PIP5K1B: variants seen among roughly 807,000 people sequenced by gnomAD.
PIP5K1B encodes the protein phosphatidylinositol-4-phosphate 5-kinase type 1 beta, also known as phosphatidylinositol 4-phosphate 5-kinase type-1 beta.
PIP5K1B carries 42 observed loss-of-function variants against 67.0 expected under a neutral mutation model. The ratio of observed to expected loss-of-function variants is 0.63; its 90% CI spans 0.49 to 0.81. PIP5K1B has a LOEUF of 0.81. PIP5K1B is among the 30% of genes least tolerant of loss of function. The pLI, the probability that PIP5K1B is intolerant of heterozygous loss-of-function variation, is 0.00. For missense variants in PIP5K1B, 459 were observed against 646.3 expected (o/e 0.71, Z 3.14); for synonymous variants, 214 against 231.4 (o/e 0.92, Z 0.68).
At chr9:68,910,197 C>T (rs549822571) in intron 8 of PIP5K1B, among the ~76,000 whole-genome samples, 1 of 152,320 alleles carries the variant, frequency 6.6e-6, no homozygotes, top group Admixed American at 6.5e-5. Flanking sequence ...AGCAAAACAA[C>T]TTTGCCTTTT....
intron 14 of PIP5K1B, among the ~76,000 whole-genome samples, chr9:68,978,826 C>T (rs1829753547): frequency 1.3e-5 from 2 of 152,200 alleles, no homozygotes; most frequent in Admixed American, 1.3e-4. Context: ...ATTCCCCCAT[C>T]CCACCAGCAA....
chr9:68,879,417 A>C (rs566878163), intron 6 of PIP5K1B, among the ~76,000 whole-genome samples: 26 of 152,210 alleles, frequency 1.7e-4, no homozygotes, highest in Admixed American at 7.9e-4. Context: ...AAAATACAAA[A>C]ATTAGATGGG....
At chr9:68,802,458 GGATA>G (rs775655145) in intron 2 of PIP5K1B, among the ~76,000 whole-genome samples, 56 of 152,210 alleles carry the variant, frequency 3.7e-4, no homozygotes, top group African/African-American at 1.2e-3. Flanking sequence ...ATGGATGGAT[GGATA>G]GACAGAGGTT....
At chr9:68,933,712 A>G (rs1371107105) in intron 12 of PIP5K1B, among the ~76,000 whole-genome samples, 2 of 152,142 alleles carry the variant, frequency 1.3e-5, no homozygotes, top group East Asian at 1.9e-4. Flanking sequence ...TGGATTCCAG[A>G]CTCTAAAGCC....
chr9:69,005,893 C>G (rs79013335), intron 15 of PIP5K1B, among the ~76,000 whole-genome samples: 1 of 136,676 alleles, frequency 7.3e-6, no homozygotes, highest in African/African-American at 2.8e-5. Flanking sequence ...TTTTTTTTTT[C>G]TTTAGAGACA....
intron 15 of PIP5K1B, among the ~76,000 whole-genome samples, chr9:68,997,198 A>G (rs1267765200): frequency 1.3e-5 from 2 of 152,206 alleles, no homozygotes; most frequent in Non-Finnish European, 2.9e-5. Context: ...TATGTATGGA[A>G]AAAGCGTGAG....
chr9:68,904,387 G>A (rs979435785), intron 8 of PIP5K1B, among the ~76,000 whole-genome samples: 3 of 152,226 alleles, frequency 2.0e-5, no homozygotes, highest in African/African-American at 4.8e-5. Context: ...GGAGAGCTTG[G>A]TTTGGACAGG....
At chr9:68,940,527 A>G in intron 13 of PIP5K1B, 119 bp from the exon 14 acceptor site, 1 of 911,086 alleles carries the variant, frequency 1.1e-6, no homozygotes, top group Non-Finnish European at 1.6e-6. Flanking sequence ...GTTAATTCAT[A>G]ATTGAATTTG....
chr9:68,746,509 T>G, intron 2 of PIP5K1B, among the ~76,000 whole-genome samples: 1 of 152,150 alleles, frequency 6.6e-6, no homozygotes, highest in Non-Finnish European at 1.5e-5. Flanking sequence ...GGCTCTGTCT[T>G]TTTCTCTCAC....
At chr9:68,913,254 G>T (rs1002301452) in intron 8 of PIP5K1B, among the ~76,000 whole-genome samples, 1 of 152,144 alleles carries the variant, frequency 6.6e-6, no homozygotes, top group African/African-American at 2.4e-5. Flanking sequence ...AGACGGAAAG[G>T]CACCTGTATT....
intron 1 of PIP5K1B, among the ~76,000 whole-genome samples, chr9:68,729,981 A>G (rs537031429): frequency 6.6e-6 from 1 of 152,330 alleles, no homozygotes; most frequent in African/African-American, 2.4e-5. Context: ...ATGAAAGGCT[A>G]AAAATGACTT....
At chr9:68,724,948 A>G (rs1305709339) in intron 1 of PIP5K1B, among the ~76,000 whole-genome samples, 1 of 152,172 alleles carries the variant, frequency 6.6e-6, no homozygotes, top group East Asian at 1.9e-4. Flanking sequence ...ATGTACCTCA[A>G]ACTAAAAGTG....
At chr9:68,869,439 T>C (rs1363242700) in intron 5 of PIP5K1B, among the ~76,000 whole-genome samples, 1 of 152,184 alleles carries the variant, frequency 6.6e-6, no homozygotes, top group Non-Finnish European at 1.5e-5. Flanking sequence ...TCCACAAAAC[T>C]GGTCCCTGGT....
intron 2 of PIP5K1B, chr9:68,780,787 T>C (rs1381102249): frequency 6.2e-7 from 1 of 1,614,158 alleles, no homozygotes; most frequent in Non-Finnish European, 8.5e-7. Flanking sequence ...AAATGTGAAA[T>C]GGAAACTGAA....
chr9:68,780,014 C>G, intron 2 of PIP5K1B: 7 of 1,050,744 alleles, frequency 6.7e-6, no homozygotes, highest in Non-Finnish European at 8.9e-6. Flanking sequence ...ACGGACATCG[C>G]GAGCGCCTGC....
chr9:68,743,257 A>G (rs1219649262), intron 2 of PIP5K1B, among the ~76,000 whole-genome samples: 1 of 150,368 alleles, frequency 6.7e-6, no homozygotes, highest in Non-Finnish European at 1.5e-5. Flanking sequence ...CTCCCAGGCT[A>G]GAGTGGCACA....
intron 14 of PIP5K1B, among the ~76,000 whole-genome samples, chr9:68,981,140 C>T (rs979465392): frequency 3.3e-5 from 5 of 151,922 alleles, no homozygotes; most frequent in African/African-American, 7.3e-5. Flanking sequence ...AAAAGTTGTT[C>T]GGTGTTTTTT....
chr9:68,788,421 T>C, intron 2 of PIP5K1B: 1 of 583,408 alleles, frequency 1.7e-6, no homozygotes, highest in East Asian at 4.1e-5. Flanking sequence ...AGCCAGCTGC[T>C]GCATCTTAAC....
intron 2 of PIP5K1B, among the ~76,000 whole-genome samples, chr9:68,766,605 G>A (rs1830439207): frequency 6.6e-6 from 1 of 152,126 alleles, no homozygotes; most frequent in Non-Finnish European, 1.5e-5. Flanking sequence ...TAGATAGGTA[G>A]GTATGTACAC....
Sources: allele counts gnomAD v4.1 joint callset (sites outside exome capture counted in the v4.1 genomes callset), GRCh38; gene constraint gnomAD v4.1.1; transcripts MANE v1.5; gene names NCBI Gene and HGNC (gene_info 2026-07-23, HGNC 2026-07-21).